The following FRMD7 variants were observed in gnomAD, a reference collection of about 807,000 sequenced individuals.
FRMD7 encodes FERM domain-containing protein 7.
Under a neutral mutation model 44.1 loss-of-function variants are expected in FRMD7, and 14 were observed. The ratio of observed to expected loss-of-function variants is 0.32; its 90% confidence interval spans 0.21 to 0.50. The LOEUF (loss-of-function observed/expected upper bound fraction) is 0.50. Ranked by LOEUF, FRMD7 falls within the 20% of genes least tolerant of loss-of-function variation. The pLI, the probability that FRMD7 is intolerant of heterozygous loss-of-function variation, is 0.99. For synonymous variants in FRMD7, 212 were observed against 187.4 expected, an observed-to-expected ratio of 1.13 and a Z score of -1.07; for missense variants, 501 against 522.3, an observed-to-expected ratio of 0.96 and a Z score of 0.40.
Position 132,094,094 on chromosome X carries a change from C to A in FRMD7, c.330G>T (p.Arg110Ser). The A allele has an allele frequency of 8.4e-7, 1 of 1,184,095 alleles. No individual in the cohort carries two copies. ...CTGTACAGTTGTCACTGCATGGAAG[C>A]CTTCCTAGAGCCAAATCCTTCTTTA... The part of the protein sequence containing the change: ...LQIKKDLALG[R>S]LPCSDNCTAL... Residue 110 changes from arginine (R) to serine (S), a missense_variant, in exon 5 of 12, where the codon AGG (arginine) becomes AGT (serine). By Grantham distance (110) the Arg-to-Ser change is moderately radical (BLOSUM62 -1). Around this residue, in one of 3 missense-constraint regions of FRMD7, gnomAD observed 453 missense variants for 452.7 expected, o/e 1.00. Coordinates refer to ENST00000298542, the MANE Select transcript of FRMD7 (RefSeq NM_194277.3).
chrX:132,088,697 G>A (rs1602803693), intron 5 of FRMD7, among the ~76,000 whole-genome samples: 1 of 111,614 alleles, frequency 9.0e-6, no homozygotes, highest in African/African-American at 3.3e-5. Context: ...ATATATACTA[G>A]CAATGAATAA....
intron 1 of FRMD7, among the ~76,000 whole-genome samples, chrX:132,106,304 A>G (rs1928646129): frequency 8.9e-6 from 1 of 112,341 alleles, no homozygotes; most frequent in African/African-American, 3.2e-5. Flanking sequence ...CAAAACCACA[A>G]TAAGATACCA....
intron 4 of FRMD7, among the ~76,000 whole-genome samples, chrX:132,096,716 CAAAAAA>C (rs34250894): frequency 1.8e-5 from 1 of 55,589 alleles, no homozygotes; most frequent in Non-Finnish European, 3.4e-5. Flanking sequence ...GACCCTGTCT[CAAAAAA>C]AAAAAAAAAA....
At chrX:132,096,231 C>T (rs1928329429) in intron 4 of FRMD7, among the ~76,000 whole-genome samples, 1 of 111,536 alleles carries the variant, frequency 9.0e-6, no homozygotes, top group African/African-American at 3.3e-5. Context: ...GCAAAGGCCA[C>T]TCAGAAAAGT....
In FRMD7 at chrX:132,079,086, T is replaced by A. The variant is rs182649942; in HGVS notation, c.1051-120A>T. ...TTTTTCATAAAGTCATTTAACAAGA[T>A]CCATGTTCTATTCTAGGGTAGATAA... On this transcript the variant is annotated intron_variant, in intron 11 of 11. Coordinates refer to ENST00000298542, the MANE Select transcript of FRMD7 (RefSeq NM_194277.3). 3.3e-4 allele frequency: 200 copies of A among 600,934 alleles called. No individual in the cohort carries two copies. The African/African-American group carries it at 3.9e-3, about 12-fold the overall frequency. 49.5% of individuals were successfully genotyped at this position (600,934 alleles called of 1,213,427 possible).
At chrX:132,104,827 T>C (rs1928604454) in intron 1 of FRMD7, among the ~76,000 whole-genome samples, 1 of 112,740 alleles carries the variant, frequency 8.9e-6, no homozygotes, top group African/African-American at 3.2e-5. Flanking sequence ...AGTCCCATGC[T>C]TACTAATGAT....
intron 1 of FRMD7, among the ~76,000 whole-genome samples, chrX:132,108,554 C>A (rs1460857700): frequency 3.6e-5 from 4 of 110,993 alleles, no homozygotes; most frequent in African/African-American, 1.3e-4. Flanking sequence ...TGAACCTAAC[C>A]TGGACACTTT....
At chrX:132,101,086 A>G (rs1276029733) in intron 1 of FRMD7, among the ~76,000 whole-genome samples, 2 of 110,410 alleles carry the variant, frequency 1.8e-5, no homozygotes, top group African/African-American at 3.3e-5. Flanking sequence ...TGTAAATCCA[A>G]CCCTATTACT....
At chrX:132,079,901 A>T in intron 11 of FRMD7, 105 bp downstream of exon 11, 1 of 621,605 alleles carries the variant, frequency 1.6e-6, no homozygotes, top group Non-Finnish European at 2.8e-6. Flanking sequence ...CAAACAGAGT[A>T]ACCTTTTTAC....
chrX:132,101,723 A>G (rs1449677505), intron 1 of FRMD7, among the ~76,000 whole-genome samples: 3 of 112,084 alleles, frequency 2.7e-5, no homozygotes, highest in Non-Finnish European at 5.6e-5. Flanking sequence ...ACATAAGGCC[A>G]CAAATTTTTT....
intron 5 of FRMD7, among the ~76,000 whole-genome samples, chrX:132,086,725 T>C (rs766075176): frequency 9.0e-5 from 10 of 110,962 alleles, no homozygotes; most frequent in Admixed American, 9.6e-5. Context: ...TTGTGGAACA[T>C]ACATTTCTGG....
intron 5 of FRMD7, among the ~76,000 whole-genome samples, chrX:132,088,176 G>A (rs1928056329): frequency 8.9e-6 from 1 of 112,401 alleles, no homozygotes; most frequent in African/African-American, 3.2e-5. Context: ...AGTCAGGCAA[G>A]AAGAAGAAAC....
chrX:132,093,271 A>G lies in FRMD7; in HGVS notation c.382+771T>C, dbSNP rs1928234322. On this transcript the variant is annotated intron_variant, in intron 5 of 11. Coordinates refer to ENST00000298542, the MANE Select transcript of FRMD7 (RefSeq NM_194277.3). ...AGGTACAGAGGTCAAAAATGAACTT[A>G]AGATACAAAAAATGAAGTTATGATC... is the stretch of plus-strand genomic sequence containing the variant. 4.4e-5 allele frequency among the ~76,000 whole-genome samples: 5 copies of G among 112,537 alleles called. No individual in the cohort carries two copies. In the Admixed American group the frequency reaches 4.7e-4, roughly 11 times the overall value.
chrX:132,118,313 C>T (rs1182767613), intron 1 of FRMD7, among the ~76,000 whole-genome samples: 2 of 111,026 alleles, frequency 1.8e-5, no homozygotes, highest in African/African-American at 6.6e-5. Context: ...GAATTTTGCT[C>T]CTTAGTTCAG....
chrX:132,099,567 T>G (rs1399108246), intron 2 of FRMD7, 57 bp from the exon 3 acceptor site: 2 of 864,288 alleles, frequency 2.3e-6, no homozygotes, highest in Non-Finnish European at 3.4e-6. Context: ...GAGCTTTTTT[T>G]TTTTCGGTAA....
intron 1 of FRMD7, among the ~76,000 whole-genome samples, chrX:132,105,650 A>G (rs1482744162): frequency 8.9e-6 from 1 of 112,092 alleles, no homozygotes; most frequent in East Asian, 2.8e-4. Context: ...GGGTACTGGT[A>G]CAAAAGCAGG....
At chrX:132,106,635 T>A (rs1012101977) in intron 1 of FRMD7, among the ~76,000 whole-genome samples, 1 of 112,220 alleles carries the variant, frequency 8.9e-6, no homozygotes, top group Non-Finnish European at 1.9e-5. Context: ...TGCCCATCAA[T>A]GACAGATTGG....
chrX:132,080,992 A>G (rs182492859), intron 9 of FRMD7, among the ~76,000 whole-genome samples: 1 of 109,170 alleles, frequency 9.2e-6, no homozygotes, highest in African/African-American at 3.4e-5. Flanking sequence ...GGCATACACT[A>G]ACAAAGAAAG....
At chrX:132,099,611 A>G in intron 2 of FRMD7, 101 bp from the exon 3 acceptor site, 1 of 567,255 alleles carries the variant, frequency 1.8e-6, no homozygotes, top group Non-Finnish European at 3.0e-6. Context: ...AATGAGTACC[A>G]GGACTATTTA....
Sources: gnomAD v4.1 joint callset for allele counts (sites outside exome capture counted in the v4.1 genomes callset) on GRCh38, gnomAD v4.1.1 for gene constraint, gnomAD v4.1.1 regional missense constraint, MANE v1.5 for transcripts, NCBI Gene and HGNC (gene_info 2026-07-23, HGNC 2026-07-21) for gene names.